CA6: variants seen among roughly 807,000 people sequenced by gnomAD.
CA6 encodes carbonic anhydrase 6.
A neutral mutation model predicts 35.9 loss-of-function variants in CA6; 28 were observed. The observed-to-expected ratio is 0.78, with a 90% confidence interval of 0.58 to 1.07. The LOEUF (loss-of-function observed/expected upper bound fraction) is 1.07. CA6 is among the 50% of genes least tolerant of loss of function. The pLI is 0.00. For missense variants in CA6, 377 were observed against 382.0 expected, an observed-to-expected ratio of 0.99 and a Z score of 0.11; for synonymous variants, 148 against 152.6, an observed-to-expected ratio of 0.97 and a Z score of 0.22.
chr1:8,949,340 C>G lies in CA6; in HGVS notation c.157C>G (p.Gln53Glu), dbSNP rs1324184378. ...CCAGAGACAGTCGCCTATCAACCTA[C>G]AGAGGACGAAGGTGCGGTACAACCC... The part of the protein sequence containing the change: ...GGQRQSPINL[Q>E]RTKVRYNPSL... The change falls in exon 2 of 8, where the codon CAG becomes GAG. Residue 53 changes from glutamine to glutamate, a missense_variant. By Grantham distance (29) the Gln-to-Glu change is conservative. Transcript: ENST00000377443. The G allele has an allele frequency of 4.3e-6, 7 of 1,613,344 alleles. No homozygotes were observed. Among genetic ancestry groups the G allele is most frequent in the Non-Finnish European group, 5.9e-6 (7 of 1,179,498 alleles).
rs2274330 is a variant in CA6, at chr1:8,949,411, G to C, written c.228G>C (p.Gly76=). 212,964 of 1,609,944 alleles carry C rather than the reference G, an allele frequency of 0.13. 20,427 individuals carry two copies. The highest frequency in any genetic ancestry group is 0.5 in the African/African-American group (37,235 of 74,658). Residue 76 remains glycine, a synonymous_variant, in exon 2 of 8, where the codon GGG becomes GGC. Transcript: ENST00000377443. ...TGACAGGCTATGAGACCCAGGCAGG[G>C]GAGTTCCCCATGGTCAACAATGGCC... ...LNMTGYETQA[G]EFPMVNNGHT... is the part of the protein sequence containing the mutation.
chr1:8,947,482 C>T (rs978651058), intron 1 of CA6, among the ~76,000 whole-genome samples: 5 of 152,074 alleles, frequency 3.3e-5, no homozygotes, highest in Admixed American at 6.6e-5. Context: ...TCTGAACAAC[C>T]GCTCTGTTCC....
intron 2 of CA6, among the ~76,000 whole-genome samples, chr1:8,953,440 GT>G (rs1430605905): frequency 3.3e-5 from 5 of 152,066 alleles, no homozygotes; most frequent in Non-Finnish European, 7.4e-5. Context: ...CCTGGGCAAT[GT>G]AGTGAGACCT....
At chr1:8,973,013 C>T (rs1390422201) in intron 7 of CA6, among the ~76,000 whole-genome samples, 1 of 152,192 alleles carries the variant, frequency 6.6e-6, no homozygotes, top group Non-Finnish European at 1.5e-5. Flanking sequence ...AGCTTAGACT[C>T]ATGGGTCTGT....
chr1:8,974,759 A>AAGG lies in CA6; in HGVS notation c.*57_*58insGAG, dbSNP rs148069609. 2 of 1,120,950 alleles carry AAGG rather than the reference A, an allele frequency of 1.8e-6. No individual in the cohort carries two copies. Among genetic ancestry groups the AAGG allele is most frequent in the Non-Finnish European group, 2.6e-6 (2 of 776,836 alleles). 69.4% of individuals were successfully genotyped at this position (1,120,950 alleles called of 1,614,324 possible). A position where few individuals can be genotyped will look rare whatever the true frequency, so the allele number is the denominator to read the frequency against. Reference sequence around the variant, plus strand: ...CTAGCTTGAAGCCTGACCTAGCCAGAAGTGCCTGTCCGCTGCAGCCGCACC... The same window carrying AAGG: ...CTAGCTTGAAGCCTGACCTAGCCAGAAGGAGTGCCTGTCCGCTGCAGCCGCACC... On this transcript the variant is annotated 3_prime_UTR_variant, in exon 8 of 8. Coordinates refer to ENST00000377443, the MANE Select transcript of CA6 (RefSeq NM_001215.4).
At chr1:8,946,115 G>A in intron 1 of CA6, 150 bp downstream of exon 1, 1 of 589,260 alleles carries the variant, frequency 1.7e-6, no homozygotes. Context: ...TTGGCTCACT[G>A]CAACCTCCGC....
intron 7 of CA6, among the ~76,000 whole-genome samples, chr1:8,972,168 CT>C (rs1640126004): frequency 6.6e-6 from 1 of 152,060 alleles, no homozygotes; most frequent in African/African-American, 2.4e-5. Context: ...CCACCTCAGC[CT>C]CCCCAGTAGC....
chr1:8,973,887 C>T (rs578238973), intron 7 of CA6, among the ~76,000 whole-genome samples: 61 of 151,450 alleles, frequency 4.0e-4, no homozygotes, highest in Non-Finnish European at 7.2e-4. Context: ...AGTGCAATGG[C>T]GCAATCTTGG....
intron 7 of CA6, among the ~76,000 whole-genome samples, chr1:8,973,761 T>C (rs942614050): frequency 4.1e-5 from 1 of 24,634 alleles, no homozygotes; most frequent in African/African-American, 3.6e-4. Context: ...TCTTTCTTTC[T>C]TTCTTTCTTT....
chr1:8,972,381 C>G (rs1197332761), intron 7 of CA6, among the ~76,000 whole-genome samples: 6 of 151,474 alleles, frequency 4.0e-5, no homozygotes, highest in Middle Eastern at 6.8e-3. Flanking sequence ...CCTTTTAAAA[C>G]TTAAATTTCC....
At chr1:8,953,897 G>T (rs972064137) in intron 2 of CA6, among the ~76,000 whole-genome samples, 3 of 152,138 alleles carry the variant, frequency 2.0e-5, no homozygotes, top group African/African-American at 4.8e-5. Flanking sequence ...GATAAAACAG[G>T]TTGCAGTAAA....
At chr1:8,964,388 C>T (rs1175328826) in intron 5 of CA6, among the ~76,000 whole-genome samples, 2 of 152,256 alleles carry the variant, frequency 1.3e-5, no homozygotes, top group African/African-American at 2.4e-5. Flanking sequence ...GTTGGAATTA[C>T]AGGCACACAC....
intron 5 of CA6, among the ~76,000 whole-genome samples, chr1:8,966,983 T>A (rs1200967018): frequency 7.3e-4 from 87 of 119,802 alleles, no homozygotes; most frequent in African/African-American, 2.4e-3. Flanking sequence ...TTTAAAAAAA[T>A]AATAAAAAAA....
rs151137875 is a variant in CA6, at chr1:8,967,702, G to C, written c.615G>C (p.Leu205=). 7 of 1,614,054 alleles carry C rather than the reference G, an allele frequency of 4.3e-6. No homozygotes were observed. The highest frequency in any genetic ancestry group is 4.2e-6 in the Non-Finnish European group (5 of 1,179,974). ...CTGGCCTTGACGTTCAGGACATGCT[G>C]CCCAGGAACCTCCAGCACTACTACA... ...TLTGLDVQDM[L]PRNLQHYYTY... Residue 205 remains leucine, a synonymous_variant, in exon 6 of 8, where the codon CTG becomes CTC. Coordinates refer to ENST00000377443, the MANE Select transcript of CA6 (RefSeq NM_001215.4).
At position 8,974,036 on chromosome 1, in the gene CA6, G is replaced by C. The variant is rs919840049; in HGVS notation, c.845-586G>C. Among the ~76,000 whole-genome samples the C allele has an allele frequency of 1.1e-3, 161 of 152,008 alleles. 3 individuals carry two copies. The highest frequency in any genetic ancestry group is 7.5e-4 in the Non-Finnish European group (51 of 68,010). On this transcript the variant is annotated intron_variant, in intron 7 of 7. Coordinates refer to ENST00000377443, the MANE Select transcript of CA6 (RefSeq NM_001215.4). ...GACGGGCTTTGGCCATGTGGCCCAG[G>C]CTGGTCTCGAACTCCTGAGCTCAAG...
chr1:8,949,477 T>C lies in CA6; in HGVS notation c.259+35T>C, dbSNP rs111310706. 88 of 1,575,722 alleles carry C rather than the reference T, an allele frequency of 5.6e-5. 1 individual carries two copies. In the African/African-American group the frequency reaches 9.6e-4, roughly 17 times the overall value. On this transcript the variant is annotated intron_variant, in intron 2 of 7. Coordinates refer to ENST00000377443, the MANE Select transcript of CA6 (RefSeq NM_001215.4). ...AGGGGTGGTGAGGGGCTCCAGTCCA[T>C]GGGCAGCCTGCAGGGGAAGGCAGGT... is the stretch of plus-strand genomic sequence containing the variant.
At chr1:8,957,044 C>T (rs1436642996) in intron 2 of CA6, 93 bp from the exon 3 acceptor site, 1 of 1,156,210 alleles carries the variant, frequency 8.6e-7, no homozygotes, top group Non-Finnish European at 1.2e-6. Context: ...TGGGCTCAGA[C>T]AGGTGGGAGG....
intron 7 of CA6, among the ~76,000 whole-genome samples, chr1:8,972,136 C>T (rs2124195725): frequency 6.6e-6 from 1 of 152,198 alleles, no homozygotes; most frequent in Middle Eastern, 3.4e-3. Context: ...CAGCCTCAAA[C>T]ATCCAGGCTC....
intron 2 of CA6, among the ~76,000 whole-genome samples, chr1:8,950,608 C>G (rs1222126840): frequency 6.6e-6 from 1 of 152,042 alleles, no homozygotes; most frequent in East Asian, 1.9e-4. Context: ...GTGGCTCATG[C>G]CTGTAAACCC....
Sources: allele counts gnomAD v4.1 joint callset (sites outside exome capture counted in the v4.1 genomes callset), GRCh38; gene constraint gnomAD v4.1.1; transcripts MANE v1.5; gene names NCBI Gene and HGNC (gene_info 2026-07-23, HGNC 2026-07-21).